Variants in EXOC6 observed in about 807,000 individuals in gnomAD.
EXOC6 encodes exocyst complex component 6.
A neutral mutation model predicts 112.5 loss-of-function variants in EXOC6; 60 were observed. That is an observed-to-expected ratio of 0.53 (90% CI 0.43 to 0.66). The LOEUF (loss-of-function observed/expected upper bound fraction) is 0.66, where lower values mean the gene tolerates loss of function less well. EXOC6 is among the 30% of genes least tolerant of loss of function. The pLI is 0.00. For synonymous variants in EXOC6, 295 were observed against 308.0 expected, an observed-to-expected ratio of 0.96 and a Z score of 0.44; for missense variants, 855 against 957.1, an observed-to-expected ratio of 0.89 and a Z score of 1.41.
intron 1 of EXOC6, among the ~76,000 whole-genome samples, chr10:92,867,882 T>C (rs1848257531): frequency 6.6e-6 from 1 of 150,516 alleles, no homozygotes; most frequent in Admixed American, 6.6e-5. Flanking sequence ...TAGTATCAGC[T>C]TTCTACAATT....
intron 17 of EXOC6, among the ~76,000 whole-genome samples, chr10:92,957,595 GTTTA>G (rs1231112132): frequency 7.2e-5 from 11 of 151,988 alleles, no homozygotes; most frequent in African/African-American, 2.2e-4. Context: ...GTTTTTTGTT[GTTTA>G]TTTGTTTGTT....
At chr10:92,910,829 T>TGAGGCAGGAGAATGGCGTG in intron 6 of EXOC6, among the ~76,000 whole-genome samples, 2 of 151,962 alleles carry the variant, frequency 1.3e-5, no homozygotes, top group South Asian at 4.2e-4. Context: ...CTCAGAAGGC[T>TGAGGCAGGAGAATGGCGTG]GAGGCAGGAG....
At chr10:93,021,526 G>A (rs1203446625) in intron 20 of EXOC6, among the ~76,000 whole-genome samples, 1 of 152,082 alleles carries the variant, frequency 6.6e-6, no homozygotes, top group African/African-American at 2.4e-5. Flanking sequence ...ACTTCATTCC[G>A]GTTTACCAGA....
At chr10:92,973,953 A>C in intron 17 of EXOC6, 100 bp from the exon 18 acceptor site, 1 of 1,047,300 alleles carries the variant, frequency 9.5e-7, no homozygotes, top group Non-Finnish European at 1.3e-6. Flanking sequence ...AATGGCTAAA[A>C]TATTAAACCA....
intron 20 of EXOC6, among the ~76,000 whole-genome samples, chr10:93,038,153 T>C (rs988694004): frequency 1.3e-5 from 2 of 151,906 alleles, no homozygotes; most frequent in East Asian, 3.8e-4. Flanking sequence ...TTATGGGAAG[T>C]TTAAATATTT....
At chr10:92,980,780 C>T (rs1793829404) in intron 18 of EXOC6, among the ~76,000 whole-genome samples, 1 of 152,126 alleles carries the variant, frequency 6.6e-6, no homozygotes, top group Admixed American at 6.5e-5. Context: ...ATAAGTTTCC[C>T]TTCTTTTAAT....
At chr10:92,934,560 G>C in intron 11 of EXOC6, 130 bp downstream of exon 11, 1 of 754,558 alleles carries the variant, frequency 1.3e-6, no homozygotes, top group Non-Finnish European at 1.9e-6. Flanking sequence ...AGATTTGGAA[G>C]TAGTAATGTC....
chr10:92,911,562 G>A (rs1271839808), intron 6 of EXOC6, among the ~76,000 whole-genome samples: 1 of 152,110 alleles, frequency 6.6e-6, no homozygotes, highest in African/African-American at 2.4e-5. Flanking sequence ...CACTTAGGGA[G>A]TCCATCAAAT....
At chr10:92,895,166 TTA>T in intron 4 of EXOC6, 146 bp downstream of exon 4, 1 of 626,290 alleles carries the variant, frequency 1.6e-6, no homozygotes, top group Non-Finnish European at 2.8e-6. Context: ...CAGGTTCATT[TTA>T]TTCCCTGAAT....
intron 18 of EXOC6, among the ~76,000 whole-genome samples, chr10:92,980,525 G>A (rs1338643040): frequency 6.6e-6 from 1 of 151,938 alleles, no homozygotes; most frequent in Non-Finnish European, 1.5e-5. Context: ...TTATGCCTGT[G>A]TTTTAAACTT....
chr10:93,043,899 T>G (rs1329233261), intron 20 of EXOC6, among the ~76,000 whole-genome samples: 3 of 152,222 alleles, frequency 2.0e-5, no homozygotes, highest in African/African-American at 4.8e-5. Flanking sequence ...AGTAGCTGCT[T>G]CTTAACTGAG....
At chr10:93,047,405 G>T (rs765691852) in intron 20 of EXOC6, among the ~76,000 whole-genome samples, 2 of 152,046 alleles carry the variant, frequency 1.3e-5, no homozygotes, top group Admixed American at 6.6e-5. Context: ...GCATGGGGGC[G>T]TGTGCCTGTA....
At chr10:92,926,953 GA>G (rs1364588619) in intron 8 of EXOC6, among the ~76,000 whole-genome samples, 3 of 151,934 alleles carry the variant, frequency 2.0e-5, no homozygotes, top group African/African-American at 7.3e-5. Context: ...AAATTATGGT[GA>G]AAAAAATTAG....
chr10:92,956,181 A>G (rs948383408), intron 17 of EXOC6, among the ~76,000 whole-genome samples: 1 of 152,124 alleles, frequency 6.6e-6, no homozygotes, highest in Non-Finnish European at 1.5e-5. Flanking sequence ...TTTGAATAAT[A>G]TACAGAATAT....
chr10:92,912,343 G>T (rs917170277), intron 6 of EXOC6, among the ~76,000 whole-genome samples: 1 of 152,022 alleles, frequency 6.6e-6, no homozygotes, highest in Non-Finnish European at 1.5e-5. Flanking sequence ...GTTCCCAGGC[G>T]GATCAGCAGG....
At position 92,993,601 on chromosome 10, in the gene EXOC6, A is replaced by G. The variant is rs185073054; in HGVS notation, c.1954-3873A>G. ...AATTATATTAGAGTAGATCATGAAAACATTACTTTCAAAACAAACCAGTTT... is the reference window on the plus strand; with the variant it reads ...AATTATATTAGAGTAGATCATGAAAGCATTACTTTCAAAACAAACCAGTTT... On this transcript the variant is annotated intron_variant, in intron 18 of 21. Coordinates refer to ENST00000260762, the MANE Select transcript of EXOC6 (RefSeq NM_019053.6). Among the ~76,000 whole-genome samples, 561 of 152,294 alleles carry G rather than the reference A, an allele frequency of 3.7e-3. 1 individual carries two copies. Among genetic ancestry groups the G allele is most frequent in the Non-Finnish European group, 6.3e-3 (430 of 68,010 alleles).
chr10:92,882,627 T>C (rs1297913451), intron 1 of EXOC6, among the ~76,000 whole-genome samples: 2 of 152,120 alleles, frequency 1.3e-5, no homozygotes, highest in Non-Finnish European at 2.9e-5. Context: ...CATGTGGCTT[T>C]ATGAAAAAAG....
At chr10:92,836,085 C>G (rs1410449510) in intron 1 of EXOC6, among the ~76,000 whole-genome samples, 1 of 152,164 alleles carries the variant, frequency 6.6e-6, no homozygotes, top group Non-Finnish European at 1.5e-5. Flanking sequence ...TGCTAGGTGG[C>G]TAAGTCTAAG....
At chr10:92,915,713 A>G in intron 6 of EXOC6, 45 bp from the exon 7 acceptor site, 1 of 1,403,566 alleles carries the variant, frequency 7.1e-7, no homozygotes, top group Non-Finnish European at 9.4e-7. Context: ...AATTTTGACC[A>G]TAATCAGTTT....
Sources: gnomAD v4.1 joint callset for allele counts (sites outside exome capture counted in the v4.1 genomes callset) on GRCh38, gnomAD v4.1.1 for gene constraint, MANE v1.5 for transcripts, NCBI Gene and HGNC (gene_info 2026-07-23, HGNC 2026-07-21) for gene names.